The following CABCOCO1 variants were observed in gnomAD, a reference collection of about 807,000 sequenced individuals.
CABCOCO1 encodes the protein ciliary associated calcium binding coiled-coil 1.
A neutral mutation model predicts 35.7 loss-of-function variants in CABCOCO1; 28 were observed. That is an observed-to-expected ratio of 0.78 (90% CI 0.58 to 1.07). The LOEUF is 1.07. CABCOCO1 is among the 50% of genes least tolerant of loss of function. The pLI, the probability that CABCOCO1 is intolerant of heterozygous loss-of-function variation, is 0.00. For missense variants in CABCOCO1, 326 were observed against 309.2 expected (o/e 1.05, Z -0.41); for synonymous variants, 95 against 100.1 (o/e 0.95, Z 0.30).
chr10:61,700,461 G>C (rs1330907445), intron 5 of CABCOCO1, among the ~76,000 whole-genome samples: 1 of 151,974 alleles, frequency 6.6e-6, no homozygotes, highest in Non-Finnish European at 1.5e-5. Flanking sequence ...TCAAAGCAAT[G>C]TAGATTCAAC....
At chr10:61,689,721 G>C (rs1375894407) in intron 4 of CABCOCO1, among the ~76,000 whole-genome samples, 1 of 152,102 alleles carries the variant, frequency 6.6e-6, no homozygotes, top group African/African-American at 2.4e-5. Context: ...TTGTTCTTGG[G>C]CATTTTGCTG....
rs151137074 is a variant in CABCOCO1 at position 61,696,868 on chromosome 10, G to A, written c.552+6247G>A. Among the ~76,000 whole-genome samples the A allele has an allele frequency of 5.5e-4, 84 of 151,844 alleles. No homozygotes were observed. The East Asian group carries it at 0.015, about 27-fold the overall frequency. ...ATAAGAAAAAGGCAAACAAGGCAAC[G>A]GAAACATGGGCAAAGAATATGAACA... is the stretch of plus-strand genomic sequence containing the variant. On this transcript the variant is annotated intron_variant, in intron 5 of 7. Coordinates refer to ENST00000648843, the MANE Select transcript of CABCOCO1 (RefSeq NM_001366906.2).
intron 5 of CABCOCO1, among the ~76,000 whole-genome samples, chr10:61,737,113 C>G (rs1841434992): frequency 6.6e-6 from 1 of 152,124 alleles, no homozygotes; most frequent in African/African-American, 2.4e-5. Context: ...TTGGCTTCCT[C>G]TCTTCCTATT....
At chr10:61,761,293 T>C (rs752306979) in intron 7 of CABCOCO1, among the ~76,000 whole-genome samples, 4 of 152,024 alleles carry the variant, frequency 2.6e-5, no homozygotes, top group Non-Finnish European at 4.4e-5. Context: ...ACTGTAAATG[T>C]TGCTTATGCA....
At chr10:61,751,878 A>G (rs1841796770) in intron 5 of CABCOCO1, among the ~76,000 whole-genome samples, 1 of 152,194 alleles carries the variant, frequency 6.6e-6, no homozygotes, top group Non-Finnish European at 1.5e-5. Context: ...AAAAAAATCT[A>G]CATTTTTAGA....
intron 5 of CABCOCO1, among the ~76,000 whole-genome samples, chr10:61,721,664 C>T (rs2132042167): frequency 6.6e-6 from 1 of 152,222 alleles, no homozygotes; most frequent in South Asian, 2.1e-4. Context: ...GGCAATAAAA[C>T]CCTGACTTCT....
rs189047702 is a variant in CABCOCO1 at position 61,745,965 on chromosome 10, G to T, written c.553-14094G>T. ...AGGACTCTTACCACAAAGCCTATCT[G>T]CTAATGCATTTTTTTAAGGATCACA... is the stretch of plus-strand genomic sequence containing the variant. On this transcript the variant is annotated intron_variant, in intron 5 of 7. Coordinates refer to ENST00000648843, the MANE Select transcript of CABCOCO1 (RefSeq NM_001366906.2). Among the ~76,000 whole-genome samples the T allele has an allele frequency of 2.4e-3, 359 of 152,264 alleles. 2 individuals carry two copies. The highest frequency in any genetic ancestry group is 3.7e-3 in the Non-Finnish European group (249 of 68,014).
At chr10:61,717,089 A>G (rs997109330) in intron 5 of CABCOCO1, among the ~76,000 whole-genome samples, 6 of 152,186 alleles carry the variant, frequency 3.9e-5, no homozygotes, top group Non-Finnish European at 7.3e-5. Context: ...TCCTCCTAAC[A>G]TCCTGCAAGG....
chr10:61,761,029 C>T lies in CABCOCO1; in HGVS notation c.816+26C>T, dbSNP rs568313756. On this transcript the variant is annotated intron_variant, in intron 7 of 7. Transcript: ENST00000648843. ...GTACTCAGTATTGATAGTATGCTCA[C>T]TTACTTTATTACTGGTTAATTAGCC... 6.7e-5 allele frequency: 108 copies of T among 1,608,000 alleles called. 1 individual carries two copies. The South Asian group carries it at 1.1e-3, about 17-fold the overall frequency.
At chr10:61,664,339 C>T (rs1215680410) in intron 1 of CABCOCO1, among the ~76,000 whole-genome samples, 1 of 152,132 alleles carries the variant, frequency 6.6e-6, no homozygotes, top group Admixed American at 6.5e-5. Context: ...CATATGCTCA[C>T]CCACGTAGAC....
At chr10:61,674,734 A>G (rs1475876328) in intron 2 of CABCOCO1, among the ~76,000 whole-genome samples, 2 of 152,168 alleles carry the variant, frequency 1.3e-5, no homozygotes, top group Non-Finnish European at 2.9e-5. Context: ...GCAGCCAACA[A>G]AATGAAACAT....
intron 2 of CABCOCO1, among the ~76,000 whole-genome samples, chr10:61,678,389 G>A (rs1371583563): frequency 1.3e-5 from 2 of 152,032 alleles, no homozygotes; most frequent in East Asian, 3.9e-4. Flanking sequence ...AAAGATCCCT[G>A]GCTAATAGAG....
At chr10:61,716,519 T>G (rs975140971) in intron 5 of CABCOCO1, among the ~76,000 whole-genome samples, 2 of 152,136 alleles carry the variant, frequency 1.3e-5, no homozygotes, top group Admixed American at 1.3e-4. Context: ...CAAAACCAGC[T>G]CTATCACCAA....
intron 5 of CABCOCO1, among the ~76,000 whole-genome samples, chr10:61,738,684 C>T (rs927618307): frequency 6.6e-6 from 1 of 152,148 alleles, no homozygotes; most frequent in Non-Finnish European, 1.5e-5. Context: ...TTGTAGTCTA[C>T]ATTATGTCTT....
At chr10:61,765,623 C>G (rs1357237199) in intron 7 of CABCOCO1, among the ~76,000 whole-genome samples, 1 of 152,198 alleles carries the variant, frequency 6.6e-6, no homozygotes, top group East Asian at 1.9e-4. Flanking sequence ...TATTCTGATT[C>G]AGTGCTTATT....
intron 5 of CABCOCO1, among the ~76,000 whole-genome samples, chr10:61,715,759 T>C (rs188216561): frequency 0.017 from 2,556 of 152,316 alleles, 35 homozygotes; most frequent in Middle Eastern, 0.027. Context: ...TTATTTCTCC[T>C]TCACTTATGA....
intron 5 of CABCOCO1, among the ~76,000 whole-genome samples, chr10:61,693,921 T>A (rs1589126151): frequency 6.6e-6 from 1 of 151,874 alleles, no homozygotes; most frequent in East Asian, 1.9e-4. Flanking sequence ...TGAATCAAAT[T>A]CAATGTAGGT....
At chr10:61,684,977 G>T (rs547765425) in intron 3 of CABCOCO1, 1 of 152,140 alleles carries the variant, frequency 6.6e-6, no homozygotes, top group African/African-American at 2.4e-5. Flanking sequence ...CACAGAAGAC[G>T]GTTTCGGGTG....
intron 5 of CABCOCO1, among the ~76,000 whole-genome samples, chr10:61,708,314 C>T (rs1840642995): frequency 6.6e-6 from 1 of 151,712 alleles, no homozygotes; most frequent in Non-Finnish European, 1.5e-5. Context: ...TTACATTTCA[C>T]GTCTTCATTT....
Sources: gnomAD v4.1 joint callset for allele counts (sites outside exome capture counted in the v4.1 genomes callset) on GRCh38, gnomAD v4.1.1 for gene constraint, MANE v1.5 for transcripts, NCBI Gene and HGNC (gene_info 2026-07-23, HGNC 2026-07-21) for gene names.